Variants in LHFPL6 observed in about 807,000 individuals in gnomAD.
LHFPL6 encodes LHFPL tetraspan subfamily member 6, also known as LHFPL tetraspan subfamily member 6 protein.
Under a neutral mutation model 20.6 loss-of-function variants are expected in LHFPL6, and 9 were observed. The ratio of observed to expected loss-of-function variants is 0.44; its 90% CI spans 0.26 to 0.76. The LOEUF is 0.76. Among genes scored for constraint, LHFPL6 ranks in the 30% least tolerant of loss-of-function variants. The probability of loss-of-function intolerance (pLI) is 0.20; values close to 1 mark genes in which losing one functional copy is unlikely to be tolerated. For synonymous variants in LHFPL6, 105 were observed against 98.7 expected (o/e 1.06, Z -0.38); for missense variants, 218 against 253.5 (o/e 0.86, Z 0.95).
At chr13:39,480,588 G>A (rs892760726) in intron 2 of LHFPL6, among the ~76,000 whole-genome samples, 1 of 152,140 alleles carries the variant, frequency 6.6e-6, no homozygotes, top group Non-Finnish European at 1.5e-5. Context: ...ATGCCATAAT[G>A]GTAACATCTT....
intron 2 of LHFPL6, among the ~76,000 whole-genome samples, chr13:39,379,837 G>A (rs948599052): frequency 1.3e-5 from 2 of 152,140 alleles, no homozygotes; most frequent in African/African-American, 2.4e-5. Flanking sequence ...TGACATGAAG[G>A]GCCTTCTATA....
At chr13:39,378,609 A>G (rs1427630633) in intron 2 of LHFPL6, 83 bp from the exon 3 acceptor site, 1 of 1,038,082 alleles carries the variant, frequency 9.6e-7, no homozygotes, top group Non-Finnish European at 1.5e-6. Flanking sequence ...ATTTAGCAAT[A>G]TAACAAGACC....
intron 2 of LHFPL6, among the ~76,000 whole-genome samples, chr13:39,461,300 G>A (rs1194972395): frequency 1.3e-5 from 2 of 152,134 alleles, no homozygotes; most frequent in Admixed American, 6.5e-5. Context: ...ATGAACACAC[G>A]TGTGCATGTG....
In LHFPL6 at chr13:39,512,607, A is replaced by AAAAAAAAAAG. The variant is rs1869758105; in HGVS notation, c.385+88224_385+88225insCTTTTTTTTT. Among the ~76,000 whole-genome samples, 3 of 150,220 alleles carry AAAAAAAAAAG rather than the reference A, an allele frequency of 2.0e-5. 1 individual carries two copies. The highest frequency in any genetic ancestry group is 4.4e-5 in the Non-Finnish European group (3 of 67,804). ...ACAGAGCGAGCCTCCGTCTCAAAAA[A>AAAAAAAAAAG]AAAAAAAAGAAAAGAAAAAGAAATC... On this transcript the variant is annotated intron_variant, in intron 2 of 3. Transcript: ENST00000379589.
rs1243705219 is a variant in LHFPL6 at position 39,343,188 on chromosome 13, C to T, written c.*748G>A. 4.8e-6 allele frequency: 1 copy of T among 209,604 alleles called. No individual in the cohort carries two copies. The allele number at this position is 209,604 out of a possible 1,614,324, so 13.0% of individuals were successfully genotyped here. A position where few individuals can be genotyped will look rare whatever the true frequency, so the allele number is the denominator to read the frequency against. On this transcript the variant is annotated 3_prime_UTR_variant, in exon 4 of 4. Transcript: ENST00000379589. Reference sequence around the variant, plus strand: ...ATAACATGGAAATACAAAGGCTTAACTCTAAAGGTCTGCATAAACACTGAA... The same window carrying T: ...ATAACATGGAAATACAAAGGCTTAATTCTAAAGGTCTGCATAAACACTGAA...
chr13:39,397,584 T>C (rs544156713), intron 2 of LHFPL6, among the ~76,000 whole-genome samples: 1 of 152,378 alleles, frequency 6.6e-6, no homozygotes, highest in East Asian at 1.9e-4. Flanking sequence ...CATATATCCC[T>C]CTTTCCTCTG....
At chr13:39,541,576 A>G (rs780723785) in intron 2 of LHFPL6, among the ~76,000 whole-genome samples, 38 of 152,210 alleles carry the variant, frequency 2.5e-4, no homozygotes, top group Non-Finnish European at 4.4e-4. Flanking sequence ...TCCAGTGCAC[A>G]GACTTTACTA....
intron 2 of LHFPL6, among the ~76,000 whole-genome samples, chr13:39,555,606 G>A (rs1435095530): frequency 6.6e-6 from 1 of 151,978 alleles, no homozygotes; most frequent in Non-Finnish European, 1.5e-5. Context: ...TGAAACTGGT[G>A]TTCACAATAA....
intron 2 of LHFPL6, among the ~76,000 whole-genome samples, chr13:39,577,362 C>T (rs1451031509): frequency 6.6e-6 from 1 of 152,174 alleles, no homozygotes; most frequent in African/African-American, 2.4e-5. Context: ...CAAGTGTACG[C>T]ATTTCAGGAA....
intron 3 of LHFPL6, among the ~76,000 whole-genome samples, chr13:39,364,196 T>C (rs1869952707): frequency 6.6e-6 from 1 of 152,160 alleles, no homozygotes; most frequent in African/African-American, 2.4e-5. Flanking sequence ...AGAGTAGAGA[T>C]GGGCCAATCA....
intron 2 of LHFPL6, among the ~76,000 whole-genome samples, chr13:39,416,466 T>C (rs1267679988): frequency 6.6e-6 from 1 of 152,108 alleles, no homozygotes; most frequent in Non-Finnish European, 1.5e-5. Flanking sequence ...CACACAATGA[T>C]ACTTTTGATC....
chr13:39,420,649 A>T (rs937434624), intron 2 of LHFPL6, among the ~76,000 whole-genome samples: 1 of 152,234 alleles, frequency 6.6e-6, no homozygotes, highest in Non-Finnish European at 1.5e-5. Flanking sequence ...AACTTGGTCA[A>T]AAGTTAGAAA....
chr13:39,372,479 G>A (rs906299647), intron 3 of LHFPL6, among the ~76,000 whole-genome samples: 2 of 152,064 alleles, frequency 1.3e-5, no homozygotes, highest in South Asian at 4.1e-4. Flanking sequence ...CTGAATTCTT[G>A]TTTCTCTGTT....
At chr13:39,422,781 G>T (rs1404353881) in intron 2 of LHFPL6, among the ~76,000 whole-genome samples, 2 of 152,020 alleles carry the variant, frequency 1.3e-5, no homozygotes, top group African/African-American at 4.8e-5. Context: ...TTCTCATGCT[G>T]CTAATAAAGA....
chr13:39,382,099 A>T (rs183758196), intron 2 of LHFPL6, among the ~76,000 whole-genome samples: 1 of 152,192 alleles, frequency 6.6e-6, no homozygotes, highest in Non-Finnish European at 1.5e-5. Flanking sequence ...TACGTATGGA[A>T]GTATGGAGGT....
rs138505648 is a variant in LHFPL6 at position 39,585,581 on chromosome 13, A to C, written c.385+15251T>G. 1.7e-3 allele frequency among the ~76,000 whole-genome samples: 257 copies of C among 152,340 alleles called. 1 individual carries two copies. Among genetic ancestry groups the C allele is most frequent in the African/African-American group, 5.8e-3 (243 of 41,572 alleles). ...AATTTACTACAGGTGACTGACAGCA[A>C]TTTTCAATGGTAAACAGGTTGATAA... On this transcript the variant is annotated intron_variant, in intron 2 of 3. Coordinates refer to ENST00000379589, the MANE Select transcript of LHFPL6 (RefSeq NM_005780.3).
rs17529476 is a variant in LHFPL6 at position 39,343,890 on chromosome 13, C to A, written c.*46G>T. On this transcript the variant is annotated 3_prime_UTR_variant, in exon 4 of 4. Coordinates refer to ENST00000379589, the MANE Select transcript of LHFPL6 (RefSeq NM_005780.3). ...AGGTGGATGTTTTGACCTCTCCAAGCCCCTTTGGCCCATCTTCTCCTCTGT... is the reference window on the plus strand; with the variant it reads ...AGGTGGATGTTTTGACCTCTCCAAGACCCTTTGGCCCATCTTCTCCTCTGT... 0.028 allele frequency: 41,903 copies of A among 1,475,526 alleles called. 697 individuals carry two copies. The highest frequency in any genetic ancestry group is 0.033 in the Non-Finnish European group (34,446 of 1,057,556). The allele number at this position is 1,475,526 out of a possible 1,614,324, so 91.4% of individuals were successfully genotyped here.
At chr13:39,434,230 C>T (rs1871894094) in intron 2 of LHFPL6, among the ~76,000 whole-genome samples, 1 of 152,198 alleles carries the variant, frequency 6.6e-6, no homozygotes, top group Non-Finnish European at 1.5e-5. Context: ...ATATCAGGCA[C>T]TTTCCACATA....
At chr13:39,550,495 T>C (rs1022353879) in intron 2 of LHFPL6, among the ~76,000 whole-genome samples, 4 of 152,278 alleles carry the variant, frequency 2.6e-5, no homozygotes, top group African/African-American at 9.6e-5. Context: ...ATTTGTATAT[T>C]GGAGTGATAA....
Sources: allele counts gnomAD v4.1 joint callset (sites outside exome capture counted in the v4.1 genomes callset), GRCh38; gene constraint gnomAD v4.1.1; transcripts MANE v1.5; gene names NCBI Gene and HGNC (gene_info 2026-07-23, HGNC 2026-07-21).